The following TAFA1 variants were observed in gnomAD, a reference collection of about 807,000 sequenced individuals.
The protein encoded by TAFA1 is TAFA chemokine like family member 1.
TAFA1 carries 4 observed loss-of-function variants against 18.5 expected under a neutral mutation model. The ratio of observed to expected loss-of-function variants is 0.22; its 90% CI spans 0.11 to 0.49. The LOEUF is 0.49. Ranked by LOEUF, TAFA1 falls within the 20% of genes least tolerant of loss-of-function variation. TAFA1 has a pLI of 0.98. For synonymous variants in TAFA1, 56 were observed against 55.2 expected (o/e 1.01, Z -0.06); for missense variants, 147 against 169.0 (o/e 0.87, Z 0.72).
chr3:68,247,491 GCTGCA>G (rs1483040702), intron 2 of TAFA1: 2 of 152,160 alleles, frequency 1.3e-5, no homozygotes, highest in African/African-American at 4.8e-5. Context: ...GGTCCCTCAT[GCTGCA>G]GGTATGCTGA....
chr3:68,252,250 G>A (rs2067210678), intron 2 of TAFA1, among the ~76,000 whole-genome samples: 1 of 152,060 alleles, frequency 6.6e-6, no homozygotes, highest in Non-Finnish European at 1.5e-5. Context: ...CAGGTTTCAA[G>A]TTTTGTCTCA....
chr3:68,458,055 G>A (rs1472817831), intron 3 of TAFA1, among the ~76,000 whole-genome samples: 3 of 152,170 alleles, frequency 2.0e-5, no homozygotes, highest in Non-Finnish European at 2.9e-5. Flanking sequence ...ATCTCATGTT[G>A]AATTATAGCC....
At chr3:68,487,666 G>C (rs941398140) in intron 3 of TAFA1, among the ~76,000 whole-genome samples, 5 of 151,400 alleles carry the variant, frequency 3.3e-5, no homozygotes, top group South Asian at 2.1e-4. Context: ...GCAGGAGAAC[G>C]GTGTGAACCT....
At chr3:68,468,793 C>T (rs780731213) in intron 3 of TAFA1, among the ~76,000 whole-genome samples, 1 of 152,120 alleles carries the variant, frequency 6.6e-6, no homozygotes, top group Admixed American at 6.5e-5. Context: ...TAGCTACATC[C>T]AACTTGAAGC....
At chr3:68,023,345 G>GT in intron 2 of TAFA1, among the ~76,000 whole-genome samples, 1 of 152,236 alleles carries the variant, frequency 6.6e-6, no homozygotes, top group East Asian at 1.9e-4. Flanking sequence ...TTTTGAAACA[G>GT]TGTTGTTCAC....
At chr3:68,236,968 A>G (rs1288393300) in intron 2 of TAFA1, among the ~76,000 whole-genome samples, 2 of 152,230 alleles carry the variant, frequency 1.3e-5, no homozygotes, top group African/African-American at 4.8e-5. Flanking sequence ...AGCTGTTCTA[A>G]TGAAAATTAG....
intron 3 of TAFA1, among the ~76,000 whole-genome samples, chr3:68,432,225 TG>T (rs2071188424): frequency 6.6e-6 from 1 of 151,878 alleles, no homozygotes; most frequent in Admixed American, 6.6e-5. Flanking sequence ...GGAGAAGTGG[TG>T]GTCTCATTTC....
chr3:68,122,895 A>T (rs1228321667), intron 2 of TAFA1, among the ~76,000 whole-genome samples: 1 of 151,732 alleles, frequency 6.6e-6, no homozygotes, highest in Non-Finnish European at 1.5e-5. Flanking sequence ...TTACATCTAT[A>T]TATATTAAAT....
At chr3:68,380,620 G>GT (rs1398766664) in intron 2 of TAFA1, among the ~76,000 whole-genome samples, 1 of 152,100 alleles carries the variant, frequency 6.6e-6, no homozygotes, top group East Asian at 1.9e-4. Flanking sequence ...AGGGTTGTTT[G>GT]TTTTTTTCTT....
intron 2 of TAFA1, among the ~76,000 whole-genome samples, chr3:68,160,710 A>G (rs543102387): frequency 2.0e-5 from 3 of 152,256 alleles, no homozygotes; most frequent in Admixed American, 6.5e-5. Flanking sequence ...CAATTTCCCT[A>G]CCGTCACATA....
intron 2 of TAFA1, among the ~76,000 whole-genome samples, chr3:68,244,665 T>A (rs571751298): frequency 6.6e-6 from 1 of 152,088 alleles, no homozygotes; most frequent in Non-Finnish European, 1.5e-5. Context: ...TGTGAGCCAC[T>A]CTCCCTAGCC....
chr3:68,182,554 T>G (rs1030745321), intron 2 of TAFA1, among the ~76,000 whole-genome samples: 1 of 152,210 alleles, frequency 6.6e-6, no homozygotes, highest in African/African-American at 2.4e-5. Context: ...CTGTTGTTAT[T>G]ACTAATTTAT....
chr3:68,309,116 G>A (rs2068472448), intron 2 of TAFA1, among the ~76,000 whole-genome samples: 1 of 151,914 alleles, frequency 6.6e-6, no homozygotes, highest in African/African-American at 2.4e-5. Context: ...CTAATTCAAG[G>A]TTTACCTTAC....
At chr3:68,390,499 G>C (rs1212492775) in intron 2 of TAFA1, among the ~76,000 whole-genome samples, 1 of 152,212 alleles carries the variant, frequency 6.6e-6, no homozygotes, top group Non-Finnish European at 1.5e-5. Context: ...CAGCACTTGA[G>C]CTCTGCTAAG....
chr3:68,521,719 T>A (rs1390554283), intron 3 of TAFA1, among the ~76,000 whole-genome samples: 1 of 151,762 alleles, frequency 6.6e-6, no homozygotes, highest in Non-Finnish European at 1.5e-5. Flanking sequence ...GTAAACTAAA[T>A]CAAGTAACAA....
intron 2 of TAFA1, among the ~76,000 whole-genome samples, chr3:68,347,241 C>T (rs1271527867): frequency 6.6e-6 from 1 of 152,178 alleles, no homozygotes; most frequent in Non-Finnish European, 1.5e-5. Context: ...TCTGCTTTAC[C>T]AGTTCACAGG....
intron 3 of TAFA1, among the ~76,000 whole-genome samples, chr3:68,522,726 G>A (rs1215385082): frequency 2.0e-5 from 3 of 152,108 alleles, no homozygotes; most frequent in Non-Finnish European, 2.9e-5. Context: ...GTGAGTGCCT[G>A]TAATCCCAGT....
intron 4 of TAFA1, among the ~76,000 whole-genome samples, chr3:68,543,643 TA>T (rs1002676019): frequency 6.6e-6 from 1 of 152,212 alleles, no homozygotes; most frequent in African/African-American, 2.4e-5. Context: ...ACTCAACTTC[TA>T]AAACTGTAAA....
At chr3:68,226,091 A>G (rs2066796759) in intron 2 of TAFA1, among the ~76,000 whole-genome samples, 1 of 152,236 alleles carries the variant, frequency 6.6e-6, no homozygotes, top group Non-Finnish European at 1.5e-5. Flanking sequence ...TTGTTCAAAG[A>G]AAGACCGACT....
Sources: gnomAD v4.1 joint callset for allele counts (sites outside exome capture counted in the v4.1 genomes callset) on GRCh38, gnomAD v4.1.1 for gene constraint, MANE v1.5 for transcripts, NCBI Gene and HGNC (gene_info 2026-07-23, HGNC 2026-07-21) for gene names.